The following DYNC1H1 variants were observed in gnomAD, a reference collection of about 807,000 sequenced individuals.
DYNC1H1 encodes cytoplasmic dynein 1 heavy chain 1.
Under a neutral mutation model 527.1 loss-of-function variants are expected in DYNC1H1, and 51 were observed. The observed-to-expected ratio is 0.10, with a 90% CI of 0.08 to 0.12. DYNC1H1 has a LOEUF of 0.12. Ranked by LOEUF, DYNC1H1 falls within the 10% of genes least tolerant of loss-of-function variation. The pLI is 1.00. For missense variants in DYNC1H1, 2,771 were observed against 5,971.8 expected, an observed-to-expected ratio of 0.46 and a Z score of 17.66; for synonymous variants, 2,189 against 2,278.8, an observed-to-expected ratio of 0.96 and a Z score of 1.12.
intron 42 of DYNC1H1, among the ~76,000 whole-genome samples, chr14:102,021,438 G>A (rs1469680842): frequency 2.0e-5 from 3 of 151,962 alleles, no homozygotes; most frequent in Non-Finnish European, 2.9e-5. Context: ...TTCAAATGTC[G>A]CAACAGCAGT....
intron 43 of DYNC1H1, chr14:102,023,125 C>A: frequency 2.0e-6 from 1 of 511,688 alleles, no homozygotes; most frequent in Non-Finnish European, 3.5e-6. Context: ...TTTAGCCAGG[C>A]AAGGTAACTC....
chr14:102,007,244 G>A lies in DYNC1H1; in HGVS notation c.5817+136G>A. The A allele has an allele frequency of 3.7e-6, 3 of 803,698 alleles. No homozygotes were observed. The South Asian group carries it at 4.4e-5, about 12-fold the overall frequency. The allele number at this position is 803,698 out of a possible 1,614,324, so 49.8% of individuals were successfully genotyped here. On this transcript the variant is annotated intron_variant, in intron 28 of 77. Coordinates refer to ENST00000360184, the MANE Select transcript of DYNC1H1 (RefSeq NM_001376.5). ...TTTATATGGCCTCCTGAGTCCTGTA[G>A]TAGGGATAGGTGTTATTTTGAAGTG...
Position 102,042,837 on chromosome 14 carries a change from C to A in DYNC1H1, c.12513+89C>A. ...ATGCAGAAGTGGGTCCCTGGGCCCC[C>A]GGAAGTGCCGTGTGGTGAACTGCAC... On this transcript the variant is annotated intron_variant, in intron 69 of 77. Transcript: ENST00000360184. The surrounding 1 kb of genome is among the most constrained non-coding windows in gnomAD (Gnocchi z 5.7). 6.9e-7 allele frequency: 1 copy of A among 1,444,620 alleles called. No homozygotes were observed. Among genetic ancestry groups the A allele is most frequent in the Non-Finnish European group, 9.6e-7 (1 of 1,044,996 alleles). 89.5% of individuals were successfully genotyped at this position (1,444,620 alleles called of 1,614,324 possible).
rs17512811 is a variant in DYNC1H1 at position 102,040,200 on chromosome 14, TGA to T, written c.11691-31_11691-30del. 0.01 allele frequency: 16,438 copies of T among 1,613,520 alleles called. 261 individuals are homozygous for T. Among genetic ancestry groups the T allele is most frequent in the African/African-American group, 0.051 (3,840 of 74,982 alleles). On this transcript the variant is annotated intron_variant, in intron 62 of 77. Transcript: ENST00000360184. Reference sequence around the variant, plus strand: ...ATCTTAGTGACAGTGGGAGTGAACGTGAGAGACCCTAGCTAACCTGTTGCACC... The same window carrying T: ...ATCTTAGTGACAGTGGGAGTGAACGTGAGACCCTAGCTAACCTGTTGCACC...
chr14:102,047,637 G>GTACATA (rs1311727690), intron 72 of DYNC1H1, 180 bp from the exon 73 acceptor site: 1 of 392,602 alleles, frequency 2.5e-6, no homozygotes, highest in Admixed American at 4.1e-5. Flanking sequence ...GTGTGTGTGT[G>GTACATA]TGTGTATATA....
In DYNC1H1 at chr14:102,000,272, A is replaced by G. The variant is rs558548356; in HGVS notation, c.3961-14A>G. ...TATTTCCAAAGTCAACTGCTTTACT[A>G]TTCTCAATCGCAGGTGGCCTTAGAA... On this transcript the variant is annotated splice_polypyrimidine_tract_variant and intron_variant, in intron 17 of 77. Coordinates refer to ENST00000360184, the MANE Select transcript of DYNC1H1 (RefSeq NM_001376.5). The G allele has an allele frequency of 8.8e-5, 142 of 1,614,008 alleles. 1 individual carries two copies. In the South Asian group the frequency reaches 9.9e-4, roughly 11 times the overall value.
Position 102,033,427 on chromosome 14 carries a change from C to T in DYNC1H1, c.10356C>T (p.Ala3452=), listed in dbSNP as rs758827732. ...ASIARYKEEY[A]VLISEAQAIK... is the part of the protein sequence containing the mutation. ...TCGCCCGCTACAAGGAGGAATACGC[C>T]GTCCTGATCTCAGAGGCCCAGGCCA... is the stretch of plus-strand genomic sequence containing the variant. Residue 3452 remains alanine (A), a synonymous_variant, in exon 54 of 78, where the codon GCC becomes GCT. Transcript: ENST00000360184. The surrounding 1 kb of genome is among the most constrained non-coding windows in gnomAD (Gnocchi z 5.6). The T allele has an allele frequency of 1.7e-5, 27 of 1,614,052 alleles. No individual in the cohort carries two copies. The highest frequency in any genetic ancestry group is 1.6e-4 in the Middle Eastern group (1 of 6,084).
chr14:102,028,632 G>T, intron 48 of DYNC1H1: 1 of 212,958 alleles, frequency 4.7e-6, no homozygotes, highest in African/African-American at 2.3e-5. Flanking sequence ...TTGTCACTGG[G>T]CTGTAAATTC....
chr14:101,990,410 C>T (rs187026985), intron 10 of DYNC1H1, among the ~76,000 whole-genome samples: 1 of 152,108 alleles, frequency 6.6e-6, no homozygotes. Context: ...GCACCAGGGA[C>T]CCAGGAGAAG....
Position 102,020,268 on chromosome 14 carries a change from C to T in DYNC1H1, c.8507+212C>T, listed in dbSNP as rs377584382. Among the ~76,000 whole-genome samples the T allele has an allele frequency of 2.0e-4, 30 of 152,264 alleles. No individual in the cohort carries two copies. Among genetic ancestry groups the T allele is most frequent in the East Asian group, 3.9e-4 (2 of 5,184 alleles). On this transcript the variant is annotated intron_variant, in intron 42 of 77. Coordinates refer to ENST00000360184, the MANE Select transcript of DYNC1H1 (RefSeq NM_001376.5). The surrounding 1 kb of genome is among the most constrained non-coding windows in gnomAD (Gnocchi z 4.3). ...CAAAGTCACAGTGCGCTGAATGCACCGGCTGGCCCACCACTGTCTGCTTAC... is the reference window on the plus strand; with the variant it reads ...CAAAGTCACAGTGCGCTGAATGCACTGGCTGGCCCACCACTGTCTGCTTAC...
intron 44 of DYNC1H1, 31 bp downstream of exon 44, chr14:102,026,738 C>T: frequency 6.2e-7 from 1 of 1,608,820 alleles, no homozygotes; most frequent in South Asian, 1.1e-5. Flanking sequence ...AGCCCCACCT[C>T]TCGCCTAAGC....
rs150381318 is a variant in DYNC1H1 at position 101,999,905 on chromosome 14, G to C, written c.3805-84G>C. The C allele has an allele frequency of 1.1e-3, 1,794 of 1,599,030 alleles. 21 individuals are homozygous for C. In the African/African-American group the frequency reaches 0.022, roughly 20 times the overall value. ...ATCCGAAACGTCCAGAAGCCCTGCA[G>C]GCTCTGTGCACCATTTTAAAGCCTA... On this transcript the variant is annotated intron_variant, in intron 16 of 77. Transcript: ENST00000360184.
Position 102,042,295 on chromosome 14 carries a change from C to A in DYNC1H1, c.12275+7C>A. ...CCGCTGTAAAGTCGGGCAGGTAGGC[C>A]TGTTCTCTTTGGCTGAAGAAAGCCT... On this transcript the variant is annotated splice_region_variant and intron_variant, in intron 67 of 77. Transcript: ENST00000360184. The surrounding 1 kb of genome is among the most constrained non-coding windows in gnomAD (Gnocchi z 5.7). 8.1e-6 allele frequency: 13 copies of A among 1,614,116 alleles called. No individual in the cohort carries two copies. Among genetic ancestry groups the A allele is most frequent in the Non-Finnish European group, 1.0e-5 (12 of 1,180,026 alleles).
At chr14:101,980,248 G>A in intron 4 of DYNC1H1, 116 bp from the exon 5 acceptor site, 1 of 1,339,918 alleles carries the variant, frequency 7.5e-7, no homozygotes, top group Non-Finnish European at 1.1e-6. Flanking sequence ...GATTTACAGG[G>A]AAGGAAATCT....
chr14:102,022,505 C>CAA (rs559692888), intron 42 of DYNC1H1, among the ~76,000 whole-genome samples: 7 of 68,786 alleles, frequency 1.0e-4, no homozygotes, highest in African/African-American at 2.0e-4. Flanking sequence ...GACTCCGTCT[C>CAA]AAAAAAAAAA....
In DYNC1H1 at chr14:102,055,626, T is replaced by A. The variant is rs2048868833; in HGVS notation, c.*5063T>A. ...CTCTGCCCAGCCCCCCGCTGAAGTC[T>A]CTAATGGGTTCTTCCGATTCCACCT... On this transcript the variant is annotated 3_prime_UTR_variant, in exon 78 of 78. Transcript: ENST00000360184. 6.6e-6 allele frequency: 1 copy of A among 152,520 alleles called. No individual in the cohort carries two copies. The highest frequency in any genetic ancestry group is 1.5e-5 in the Non-Finnish European group (1 of 68,472). The allele number at this position is 152,520 out of a possible 1,614,324, so 9.4% of individuals were successfully genotyped here. A position where few individuals can be genotyped will look rare whatever the true frequency, so the allele number is the denominator to read the frequency against.
Position 102,038,372 on chromosome 14 carries a change from T to A in DYNC1H1, c.10909-88T>A. 1 of 1,560,016 alleles carries A rather than the reference T, an allele frequency of 6.4e-7. No individual in the cohort carries two copies. ...GCGGGTGGCTTTTGGGAAGGTATGC[T>A]TATCCAGAGTAGGACAGCAACATAG... is the stretch of plus-strand genomic sequence containing the variant. On this transcript the variant is annotated intron_variant, in intron 57 of 77. Transcript: ENST00000360184. The surrounding 1 kb of genome is among the most constrained non-coding windows in gnomAD (Gnocchi z 7.2).
At chr14:101,999,904 A>G (rs2048110519) in intron 16 of DYNC1H1, 85 bp from the exon 17 acceptor site, 1 of 1,596,308 alleles carries the variant, frequency 6.3e-7, no homozygotes, top group Non-Finnish European at 8.6e-7. Flanking sequence ...GAAGCCCTGC[A>G]GGCTCTGTGC....
chr14:102,042,342 G>A lies in DYNC1H1; in HGVS notation c.12276-42G>A, dbSNP rs1360079561. The A allele has an allele frequency of 6.2e-7, 1 of 1,614,208 alleles. No individual in the cohort carries two copies. The highest frequency in any genetic ancestry group is 8.5e-7 in the Non-Finnish European group (1 of 1,180,044). On this transcript the variant is annotated intron_variant, in intron 67 of 77. Transcript: ENST00000360184. This position sits in a 1 kb window ranked among gnomAD's most constrained non-coding sequence, Gnocchi z 5.7. ...GCCTTAGTCCCCAGGCATTCAGGCA[G>A]GCAGCCTGGCATGCTGTGTGACTCT...
Sources: gnomAD v4.1 joint callset for allele counts (sites outside exome capture counted in the v4.1 genomes callset) on GRCh38, gnomAD v4.1.1 for gene constraint, Gnocchi (gnomAD v3.1) non-coding constraint, MANE v1.5 for transcripts, NCBI Gene and HGNC (gene_info 2026-07-23, HGNC 2026-07-21) for gene names.